Variants in TRPM3 observed in about 807,000 individuals in gnomAD.
TRPM3 encodes transient receptor potential cation channel subfamily M member 3, also known as long transient receptor potential channel 3.
A neutral mutation model predicts 181.2 loss-of-function variants in TRPM3; 77 were observed. That is an observed-to-expected ratio of 0.42 (90% CI 0.35 to 0.51). The LOEUF (loss-of-function observed/expected upper bound fraction) is 0.51. TRPM3 is among the 20% of genes least tolerant of loss of function. The pLI is 0.01. For synonymous variants in TRPM3, 745 were observed against 796.4 expected (o/e 0.94, Z 1.09); for missense variants, 1,759 against 2,196.7 (o/e 0.80, Z 3.98).
rs529912356 is a variant in TRPM3 at position 71,089,996 on chromosome 9, A to C, written c.177+31182T>G. 6.6e-5 allele frequency among the ~76,000 whole-genome samples: 10 copies of C among 152,298 alleles called. No individual in the cohort carries two copies. In the East Asian group the frequency reaches 1.3e-3, roughly 21 times the overall value. ...CAAAAAAAGTAATAATGTTTTAAGA[A>C]AGTTTACGAATTTGCATTCGGCCAC... On this transcript the variant is annotated intron_variant, in intron 1 of 25. Coordinates refer to ENST00000677713, the MANE Select transcript of TRPM3 (RefSeq NM_001366145.2).
At chr9:71,085,658 A>C (rs2065136753) in intron 1 of TRPM3, among the ~76,000 whole-genome samples, 1 of 152,078 alleles carries the variant, frequency 6.6e-6, no homozygotes, top group South Asian at 2.1e-4. Context: ...ACCATCTCAC[A>C]CCCGTCAGAA....
At chr9:70,660,750 A>G (rs1294003791) in intron 9 of TRPM3, among the ~76,000 whole-genome samples, 1 of 152,086 alleles carries the variant, frequency 6.6e-6, no homozygotes, top group Non-Finnish European at 1.5e-5. Flanking sequence ...AGAAATAGAA[A>G]CCCTGAAAAG....
At chr9:70,774,140 A>G (rs2080886501) in intron 7 of TRPM3, 1 of 152,140 alleles carries the variant, frequency 6.6e-6, no homozygotes, top group South Asian at 2.1e-4. Flanking sequence ...TTTAAACTAC[A>G]GTTTACCCTT....
chr9:70,624,266 G>A (rs2064116415), intron 14 of TRPM3, among the ~76,000 whole-genome samples: 1 of 152,100 alleles, frequency 6.6e-6, no homozygotes, highest in Non-Finnish European at 1.5e-5. Flanking sequence ...ATAGACCGTT[G>A]GATTTTACTT....
intron 1 of TRPM3, among the ~76,000 whole-genome samples, chr9:71,169,809 A>C (rs1587758319): frequency 6.6e-6 from 1 of 151,374 alleles, no homozygotes; most frequent in African/African-American, 2.4e-5. Context: ...AAAAATATAA[A>C]TTTTTAGAAA....
intron 1 of TRPM3, among the ~76,000 whole-genome samples, chr9:71,426,726 T>C (rs962350330): frequency 1.3e-5 from 2 of 152,176 alleles, no homozygotes; most frequent in African/African-American, 4.8e-5. Flanking sequence ...CTTGACTTTA[T>C]TCCTATTAGC....
At position 71,401,325 on chromosome 9, in the gene TRPM3, T is replaced by C. The variant is rs374741874; in HGVS notation, c.183+45328A>G. Among the ~76,000 whole-genome samples the C allele has an allele frequency of 5.4e-4, 81 of 150,312 alleles. 1 individual carries two copies. In the South Asian group the frequency reaches 0.017, roughly 31 times the overall value. ...AAGATGAGGGAAGGTTAGATCAGAGTAGGCTAAGGTAGTTAGAGGACTCAG... is the reference window on the plus strand; with the variant it reads ...AAGATGAGGGAAGGTTAGATCAGAGCAGGCTAAGGTAGTTAGAGGACTCAG... On this transcript the variant is annotated intron_variant, in intron 1 of 24. Transcript: ENST00000357533.
intron 1 of TRPM3, among the ~76,000 whole-genome samples, chr9:71,218,621 A>G (rs1376972120): frequency 4.6e-5 from 7 of 152,186 alleles, no homozygotes; most frequent in Admixed American, 2.0e-4. Context: ...GGTCCTTCTT[A>G]TAGAAACTCA....
intron 1 of TRPM3, among the ~76,000 whole-genome samples, chr9:71,266,894 T>G (rs777396877): frequency 5.9e-5 from 9 of 152,116 alleles, no homozygotes; most frequent in Middle Eastern, 3.2e-3. Context: ...ATTATTTTAC[T>G]TAGTGTTCTG....
chr9:71,438,951 G>A (rs2094091478), intron 1 of TRPM3, among the ~76,000 whole-genome samples: 2 of 152,142 alleles, frequency 1.3e-5, no homozygotes, highest in Non-Finnish European at 2.9e-5. Context: ...GCTTCATGAA[G>A]AGATTAATTT....
intron 12 of TRPM3, among the ~76,000 whole-genome samples, chr9:70,635,004 T>C (rs546492618): frequency 4.1e-4 from 62 of 152,150 alleles, no homozygotes; most frequent in Non-Finnish European, 7.6e-4. Context: ...AGCACGGCGA[T>C]TGGAGATAAC....
chr9:70,822,043 T>A (rs2093216714), intron 6 of TRPM3, among the ~76,000 whole-genome samples: 1 of 152,226 alleles, frequency 6.6e-6, no homozygotes, highest in Non-Finnish European at 1.5e-5. Flanking sequence ...CACCTTCTCC[T>A]CTTACACACT....
At chr9:71,301,220 G>T (rs1296130975) in intron 1 of TRPM3, among the ~76,000 whole-genome samples, 1 of 152,136 alleles carries the variant, frequency 6.6e-6, no homozygotes, top group Admixed American at 6.5e-5. Context: ...TGTCTTCTGA[G>T]CAAGTGACAC....
intron 1 of TRPM3, among the ~76,000 whole-genome samples, chr9:71,000,753 A>G (rs1373100036): frequency 6.6e-6 from 1 of 152,230 alleles, no homozygotes; most frequent in Non-Finnish European, 1.5e-5. Flanking sequence ...TATGCTACTT[A>G]GTCTATAGAG....
chr9:71,165,109 C>T (rs866890827), intron 1 of TRPM3, among the ~76,000 whole-genome samples: 6 of 152,106 alleles, frequency 3.9e-5, no homozygotes, highest in Non-Finnish European at 5.9e-5. Flanking sequence ...AGACCAGCCC[C>T]GGAGCCAGGC....
rs551120040 is a variant in TRPM3, at chr9:71,395,172, A to G, written c.183+51481T>C. On this transcript the variant is annotated intron_variant, in intron 1 of 24. Transcript: ENST00000357533. ...TTCCCAGCCTTTCGTTTTTTCCTGC[A>G]CAGCTCAAGTCCACATCTATCTTCT... 9.0e-4 allele frequency among the ~76,000 whole-genome samples: 137 copies of G among 152,254 alleles called. 1 individual carries two copies. The highest frequency in any genetic ancestry group is 3.2e-3 in the African/African-American group (134 of 41,558).
At chr9:71,416,757 A>T (rs1207596109) in intron 1 of TRPM3, among the ~76,000 whole-genome samples, 2 of 151,980 alleles carry the variant, frequency 1.3e-5, no homozygotes, top group Non-Finnish European at 2.9e-5. Flanking sequence ...GTATATTTCA[A>T]TGAGTTATGA....
intron 9 of TRPM3, among the ~76,000 whole-genome samples, chr9:70,656,580 G>A (rs943844711): frequency 1.3e-5 from 2 of 152,178 alleles, no homozygotes; most frequent in Non-Finnish European, 1.5e-5. Flanking sequence ...TTATAATTTT[G>A]CAGTGGCAGT....
chr9:70,696,178 A>G (rs1272856175), intron 8 of TRPM3, among the ~76,000 whole-genome samples: 1 of 152,184 alleles, frequency 6.6e-6, no homozygotes, highest in Non-Finnish European at 1.5e-5. Flanking sequence ...GCACCCAATG[A>G]ATGTTTGTGG....
Sources: gnomAD v4.1 joint callset for allele counts (sites outside exome capture counted in the v4.1 genomes callset) on GRCh38, gnomAD v4.1.1 for gene constraint, MANE v1.5 for transcripts, NCBI Gene and HGNC (gene_info 2026-07-23, HGNC 2026-07-21) for gene names.